LUZP2: variants seen among roughly 807,000 people sequenced by gnomAD.
LUZP2 encodes the protein leucine zipper protein 2.
In LUZP2, 52 loss-of-function variants were observed where a neutral mutation model predicts 51.6. The observed-to-expected ratio is 1.01, with a 90% CI of 0.81 to 1.27. LUZP2 has a LOEUF of 1.27. Ranked by LOEUF, LUZP2 falls within the 50% of genes most tolerant of loss-of-function variation. The pLI is 0.00. For missense variants in LUZP2, 436 were observed against 395.4 expected (o/e 1.10, Z -0.87); for synonymous variants, 154 against 137.3 (o/e 1.12, Z -0.85).
At chr11:24,497,467 G>C (rs771752186) in intron 1 of LUZP2, among the ~76,000 whole-genome samples, 162 bp downstream of exon 1, 1 of 152,186 alleles carries the variant, frequency 6.6e-6, no homozygotes, top group Non-Finnish European at 1.5e-5. Context: ...CCTTCTGAGA[G>C]AGCAGAGCCC....
rs2134066059 is a variant in LUZP2 at position 25,079,307 on chromosome 11, C to T, written c.*649C>T. ...TGGATGAATGACTAAATTTCTGACA[C>T]AATTAAATATTTTGGCATTCTATAG... is the stretch of plus-strand genomic sequence containing the variant. On this transcript the variant is annotated 3_prime_UTR_variant, in exon 12 of 12. Coordinates refer to ENST00000336930, the MANE Select transcript of LUZP2 (RefSeq NM_001009909.4). The T allele has an allele frequency of 6.6e-6, 1 of 152,244 alleles. No homozygotes were observed. Among genetic ancestry groups the T allele is most frequent in the Non-Finnish European group, 1.5e-5 (1 of 68,018 alleles). 9.4% of individuals were successfully genotyped at this position (152,244 alleles called of 1,614,324 possible). A position where few individuals can be genotyped will look rare whatever the true frequency, so the allele number is the denominator to read the frequency against.
chr11:25,003,232 GAA>G (rs888429422), intron 9 of LUZP2, among the ~76,000 whole-genome samples: 1 of 152,200 alleles, frequency 6.6e-6, no homozygotes, highest in African/African-American at 2.4e-5. Context: ...CTGGACTTGA[GAA>G]GAGACCTAGA....
At chr11:25,057,059 C>T (rs1296179147) in intron 10 of LUZP2, among the ~76,000 whole-genome samples, 2 of 152,100 alleles carry the variant, frequency 1.3e-5, no homozygotes, top group African/African-American at 4.8e-5. Context: ...GAGATCGTGC[C>T]ACTGCACTTT....
chr11:24,745,065 TGA>T (rs1859327604), intron 4 of LUZP2, among the ~76,000 whole-genome samples: 1 of 152,180 alleles, frequency 6.6e-6, no homozygotes. Context: ...CACTGTGGTC[TGA>T]GAGAGTGTTT....
chr11:24,897,046 A>G (rs1853087896), intron 5 of LUZP2, among the ~76,000 whole-genome samples: 1 of 151,852 alleles, frequency 6.6e-6, no homozygotes, highest in African/African-American at 2.4e-5. Context: ...CTAGCTCAAG[A>G]TTTGTAAACA....
intron 1 of LUZP2, among the ~76,000 whole-genome samples, chr11:24,571,974 T>C (rs1183786221): frequency 1.3e-5 from 2 of 152,052 alleles, no homozygotes; most frequent in East Asian, 3.9e-4. Flanking sequence ...GATTGTCTTA[T>C]AATTTTATGC....
intron 10 of LUZP2, among the ~76,000 whole-genome samples, chr11:25,070,944 G>A (rs553889706): frequency 4.0e-5 from 6 of 151,730 alleles, no homozygotes; most frequent in South Asian, 4.1e-4. Context: ...ACCTTTAGCC[G>A]TGACCTTGAA....
chr11:24,992,713 G>A (rs1026638676), intron 9 of LUZP2, among the ~76,000 whole-genome samples: 1 of 152,018 alleles, frequency 6.6e-6, no homozygotes, highest in African/African-American at 2.4e-5. Context: ...CCTGACATCT[G>A]CATTTATAAT....
intron 5 of LUZP2, among the ~76,000 whole-genome samples, chr11:24,867,626 A>G (rs1448321995): frequency 1.3e-5 from 2 of 152,122 alleles, no homozygotes; most frequent in African/African-American, 2.4e-5. Flanking sequence ...CAGACGTCCT[A>G]TGAAACAGGG....
chr11:24,858,907 T>C (rs1328526788), intron 5 of LUZP2, among the ~76,000 whole-genome samples: 1 of 152,204 alleles, frequency 6.6e-6, no homozygotes, highest in African/African-American at 2.4e-5. Context: ...AAATCCAGTG[T>C]TCTTCAGAGA....
At chr11:24,970,923 A>G (rs974800670) in intron 7 of LUZP2, among the ~76,000 whole-genome samples, 4 of 152,212 alleles carry the variant, frequency 2.6e-5, no homozygotes, top group East Asian at 1.9e-4. Context: ...AAGAATTTAC[A>G]TTAAGAATGT....
intron 5 of LUZP2, among the ~76,000 whole-genome samples, chr11:24,833,776 GC>G (rs149046452): frequency 0.011 from 1,667 of 151,942 alleles, 33 homozygotes; most frequent in African/African-American, 0.038. Context: ...CAAGCTCATT[GC>G]CTCCTCCTCA....
chr11:24,744,258 A>G (rs1009888228), intron 4 of LUZP2, among the ~76,000 whole-genome samples: 3 of 152,088 alleles, frequency 2.0e-5, no homozygotes, highest in Admixed American at 6.6e-5. Context: ...CTCTTTTTCT[A>G]TCTTGTGGCA....
intron 7 of LUZP2, among the ~76,000 whole-genome samples, chr11:24,948,167 T>G (rs939681632): frequency 6.6e-6 from 1 of 151,784 alleles, no homozygotes; most frequent in Non-Finnish European, 1.5e-5. Context: ...TTAATTTTCC[T>G]TATTATTTTT....
rs75407081 is a variant in LUZP2 at position 24,819,970 on chromosome 11, T to A, written c.396+56662T>A. Among the ~76,000 whole-genome samples the A allele has an allele frequency of 5.1e-4, 78 of 152,242 alleles. 1 individual carries two copies. In the East Asian group the frequency reaches 0.015, roughly 29 times the overall value. ...TCAATTATTCATGCATTTTATTCAT[T>A]GGAGAGGAAAGCTATATGAAGGAGT... On this transcript the variant is annotated intron_variant, in intron 5 of 11. Coordinates refer to ENST00000336930, the MANE Select transcript of LUZP2 (RefSeq NM_001009909.4).
chr11:24,870,076 C>T (rs1565023911), intron 5 of LUZP2, among the ~76,000 whole-genome samples: 2 of 152,066 alleles, frequency 1.3e-5, no homozygotes, highest in Non-Finnish European at 2.9e-5. Flanking sequence ...ATCTAACCTG[C>T]CAAAACATTC....
At chr11:24,817,476 A>C (rs2256080) in intron 5 of LUZP2, among the ~76,000 whole-genome samples, 1,586 of 151,896 alleles carry the variant, frequency 0.01, 17 homozygotes, top group African/African-American at 0.037. Context: ...CAAGAGCCCA[A>C]TGAAAATTAT....
At chr11:24,912,521 T>C (rs1307752341) in intron 6 of LUZP2, among the ~76,000 whole-genome samples, 1 of 152,008 alleles carries the variant, frequency 6.6e-6, no homozygotes, top group East Asian at 1.9e-4. Context: ...ATTAGAAATA[T>C]TCTGGGGCTG....
At chr11:24,695,507 G>A (rs997064868) in intron 1 of LUZP2, among the ~76,000 whole-genome samples, 2 of 151,930 alleles carry the variant, frequency 1.3e-5, no homozygotes, top group African/African-American at 4.8e-5. Context: ...TCTGAAATAC[G>A]CACTATAATA....
Sources: allele counts gnomAD v4.1 joint callset (sites outside exome capture counted in the v4.1 genomes callset), GRCh38; gene constraint gnomAD v4.1.1; transcripts MANE v1.5; gene names NCBI Gene and HGNC (gene_info 2026-07-23, HGNC 2026-07-21).